The following MARCHF4 variants were observed in gnomAD, a reference collection of about 807,000 sequenced individuals.
The protein encoded by MARCHF4 is E3 ubiquitin-protein ligase MARCHF4.
A neutral mutation model predicts 43.9 loss-of-function variants in MARCHF4; 14 were observed. That is an observed-to-expected ratio of 0.32 (90% confidence interval 0.21 to 0.50). MARCHF4 has a LOEUF of 0.50. MARCHF4 is among the 20% of genes least tolerant of loss of function. MARCHF4 has a pLI of 0.98. For missense variants in MARCHF4, 468 were observed against 536.7 expected, an observed-to-expected ratio of 0.87 and a Z score of 1.27; for synonymous variants, 226 against 213.3, an observed-to-expected ratio of 1.06 and a Z score of -0.52.
At chr2:216,316,616 C>T (rs936117116) in intron 1 of MARCHF4, among the ~76,000 whole-genome samples, 1 of 152,072 alleles carries the variant, frequency 6.6e-6, no homozygotes, top group African/African-American at 2.4e-5. Flanking sequence ...AAAATAGATA[C>T]ACCCCCAAAT....
At chr2:216,300,348 A>ATG (rs146691822) in intron 1 of MARCHF4, among the ~76,000 whole-genome samples, 4 of 120,594 alleles carry the variant, frequency 3.3e-5, no homozygotes, top group South Asian at 3.7e-4. Context: ...ATATATATAT[A>ATG]TGTATATATA....
At chr2:216,313,284 T>G (rs1258879966) in intron 1 of MARCHF4, among the ~76,000 whole-genome samples, 2 of 152,328 alleles carry the variant, frequency 1.3e-5, no homozygotes, top group East Asian at 1.9e-4. Context: ...TTCCTCTATG[T>G]GACTTCCATT....
intron 1 of MARCHF4, among the ~76,000 whole-genome samples, chr2:216,340,102 G>A (rs896858315): frequency 4.6e-5 from 7 of 151,794 alleles, no homozygotes; most frequent in Non-Finnish European, 7.4e-5. Context: ...CCAAGCCCTC[G>A]CCCCAAACAA....
intron 1 of MARCHF4, among the ~76,000 whole-genome samples, chr2:216,322,044 G>T (rs959124973): frequency 6.6e-6 from 1 of 152,186 alleles, no homozygotes; most frequent in Non-Finnish European, 1.5e-5. Context: ...GCTGTGAAAT[G>T]AGGACTAAAC....
rs371839329 is a variant in MARCHF4, at chr2:216,302,385, A to ATT, written c.517-18658_517-18657dup. Among the ~76,000 whole-genome samples the ATT allele has an allele frequency of 6.6e-3, 928 of 139,820 alleles. 9 individuals are homozygous for ATT. The highest frequency in any genetic ancestry group is 0.02 in the Admixed American group (280 of 14,068). The allele number at this position is 139,820 out of a possible 152,430, so 91.7% of individuals were successfully genotyped here. A position where few individuals can be genotyped will look rare whatever the true frequency, so the allele number is the denominator to read the frequency against. On this transcript the variant is annotated intron_variant, in intron 1 of 3. Transcript: ENST00000273067. ...AGGCGCCTGCCACCACGCCCATCTA[A>ATT]TTTTTTTTTTTTTTTTGTATTTTTA...
chr2:216,347,651 C>T (rs967183134), intron 1 of MARCHF4, among the ~76,000 whole-genome samples: 37 of 151,628 alleles, frequency 2.4e-4, no homozygotes, highest in African/African-American at 8.2e-4. Context: ...TGCTTAAACC[C>T]GGGAGGCGGA....
Position 216,369,745 on chromosome 2 carries a change from C to T in MARCHF4, c.516G>A (p.Gln172=). 2 of 1,575,306 alleles carry T rather than the reference C, an allele frequency of 1.3e-6. No individual in the cohort carries two copies. The highest frequency in any genetic ancestry group is 1.7e-6 in the Non-Finnish European group (2 of 1,156,750). The change falls in exon 1 of 4, where the codon CAG becomes CAA. Residue 172 remains glutamine, a splice_region_variant and synonymous_variant. Transcript: ENST00000273067. The part of the protein sequence containing the change: ...LCRICFQGPE[Q]GELLSPCRCD... ...CAGGAGAAGAGAAAAGGGGACTCAC[C>T]TGTTCTGGCCCCTGGAAGCAGATGC...
intron 1 of MARCHF4, among the ~76,000 whole-genome samples, chr2:216,338,854 A>G (rs1467400231): frequency 2.0e-5 from 3 of 152,162 alleles, no homozygotes; most frequent in African/African-American, 7.2e-5. Flanking sequence ...CAAACGTATC[A>G]TCTCATTTAA....
At chr2:216,319,604 T>C (rs1309452950) in intron 1 of MARCHF4, among the ~76,000 whole-genome samples, 5 of 152,188 alleles carry the variant, frequency 3.3e-5, no homozygotes, top group African/African-American at 1.2e-4. Context: ...GAGAGTTTGA[T>C]AATTAAAGAA....
Position 216,369,802 on chromosome 2 carries a change from G to T in MARCHF4, c.459C>A (p.Ser153Arg). The stretch of plus-strand genomic sequence containing the variant: ...GTGGGGTCCTCATACCACTGTCCAA[G>T]CTGCTGCCCAGTGAGTAGCGATCCT... ...KTEDRYSLGS[S>R]LDSGMRTPLC... The change falls in exon 1 of 4, where the codon AGC becomes AGA. Residue 153 changes from serine (S) to arginine (R), a missense_variant. Around this residue, in one of 3 missense-constraint regions of MARCHF4, gnomAD observed 158 missense variants for 251.1 expected, o/e 0.63. Transcript: ENST00000273067. The T allele has an allele frequency of 1.2e-6, 2 of 1,613,218 alleles. No homozygotes were observed. Among genetic ancestry groups the T allele is most frequent in the Non-Finnish European group, 1.7e-6 (2 of 1,179,620 alleles).
rs6715288 is a variant in MARCHF4 at position 216,370,604 on chromosome 2, A to G, written c.-344T>C. 1.3e-5 allele frequency: 3 copies of G among 237,588 alleles called. No homozygotes were observed. The highest frequency in any genetic ancestry group is 2.4e-5 in the Non-Finnish European group (3 of 124,282). 14.7% of individuals were successfully genotyped at this position (237,588 alleles called of 1,614,324 possible). A position where few individuals can be genotyped will look rare whatever the true frequency, so the allele number is the denominator to read the frequency against. On this transcript the variant is annotated 5_prime_UTR_variant, in exon 1 of 4. Coordinates refer to ENST00000273067, the MANE Select transcript of MARCHF4 (RefSeq NM_020814.3). ...ATTGAAGAAGCGTGGTGGAGGGGCCACTAGAGCCTCTGTCGAATTGTTTAA... is the reference window on the plus strand; with the variant it reads ...ATTGAAGAAGCGTGGTGGAGGGGCCGCTAGAGCCTCTGTCGAATTGTTTAA...
At chr2:216,296,973 C>A (rs965004980) in intron 1 of MARCHF4, among the ~76,000 whole-genome samples, 1 of 152,176 alleles carries the variant, frequency 6.6e-6, no homozygotes, top group Non-Finnish European at 1.5e-5. Context: ...CAGGTGATAG[C>A]CGTGCCAGAG....
chr2:216,259,743 C>A, intron 3 of MARCHF4, 64 bp from the exon 4 acceptor site: 1 of 1,502,326 alleles, frequency 6.7e-7, no homozygotes, highest in Non-Finnish European at 9.1e-7. Flanking sequence ...GGCCAGGAGA[C>A]CACAGTCTCT....
intron 3 of MARCHF4, among the ~76,000 whole-genome samples, chr2:216,262,436 G>T (rs184057290): frequency 2.0e-5 from 3 of 152,312 alleles, no homozygotes; most frequent in Admixed American, 2.0e-4. Context: ...TGATTATCAG[G>T]CTGGACCATG....
intron 1 of MARCHF4, among the ~76,000 whole-genome samples, chr2:216,311,061 G>A (rs1364795643): frequency 6.6e-6 from 1 of 152,190 alleles, no homozygotes; most frequent in Admixed American, 6.5e-5. Context: ...AGCACTGCTA[G>A]CACCTTATTA....
At chr2:216,319,133 C>T (rs1691836947) in intron 1 of MARCHF4, among the ~76,000 whole-genome samples, 1 of 152,036 alleles carries the variant, frequency 6.6e-6, no homozygotes, top group South Asian at 2.1e-4. Context: ...CACGGTGAAA[C>T]CCTGTTTCTA....
At chr2:216,304,516 C>A (rs1691549066) in intron 1 of MARCHF4, among the ~76,000 whole-genome samples, 1 of 152,206 alleles carries the variant, frequency 6.6e-6, no homozygotes. Flanking sequence ...AAAATTTCTC[C>A]TAAGGTTGAT....
chr2:216,338,142 A>G (rs890872749), intron 1 of MARCHF4, among the ~76,000 whole-genome samples: 3 of 152,166 alleles, frequency 2.0e-5, no homozygotes, highest in African/African-American at 7.2e-5. Flanking sequence ...GCCTTATGTC[A>G]TATAATTCTC....
intron 1 of MARCHF4, among the ~76,000 whole-genome samples, chr2:216,344,491 C>T (rs1462113882): frequency 1.3e-5 from 2 of 152,126 alleles, no homozygotes; most frequent in Non-Finnish European, 2.9e-5. Context: ...GGTCACCACA[C>T]ACGGACTTTA....
Sources: allele counts gnomAD v4.1 joint callset (sites outside exome capture counted in the v4.1 genomes callset), GRCh38; gene constraint gnomAD v4.1.1; regional missense constraint gnomAD v4.1.1; transcripts MANE v1.5; gene names NCBI Gene and HGNC (gene_info 2026-07-23, HGNC 2026-07-21).